The following CDH12 variants were observed in gnomAD, a reference collection of about 807,000 sequenced individuals.
CDH12 encodes the protein cadherin-12.
CDH12 carries 41 observed loss-of-function variants against 74.1 expected under a neutral mutation model. That is an observed-to-expected ratio of 0.55 (90% confidence interval 0.43 to 0.72). The LOEUF (loss-of-function observed/expected upper bound fraction) is 0.72, where lower values mean the gene tolerates loss of function less well. Ranked by LOEUF, CDH12 falls within the 30% of genes least tolerant of loss-of-function variation. CDH12 has a pLI of 0.00. For synonymous variants in CDH12, 399 were observed against 355.0 expected, an observed-to-expected ratio of 1.12 and a Z score of -1.39; for missense variants, 945 against 977.2, an observed-to-expected ratio of 0.97 and a Z score of 0.44.
intron 1 of CDH12, among the ~76,000 whole-genome samples, chr5:22,746,223 G>A (rs544456245): frequency 6.6e-6 from 1 of 152,240 alleles, no homozygotes; most frequent in Admixed American, 6.5e-5. Flanking sequence ...TGAAACACAG[G>A]CTGGCACTTT....
chr5:22,836,775 G>A (rs1736847744), intron 1 of CDH12, among the ~76,000 whole-genome samples: 1 of 152,092 alleles, frequency 6.6e-6, no homozygotes, highest in Non-Finnish European at 1.5e-5. Context: ...GGGTAACCAT[G>A]TAAATAAAGT....
At chr5:22,543,419 G>C (rs148623721) in intron 1 of CDH12, among the ~76,000 whole-genome samples, 3 of 152,118 alleles carry the variant, frequency 2.0e-5, no homozygotes, top group African/African-American at 4.8e-5. Context: ...GGTGAACTCA[G>C]ATTTACCAGA....
intron 2 of CDH12, among the ~76,000 whole-genome samples, chr5:22,424,397 A>T (rs2126504171): frequency 6.6e-6 from 1 of 152,296 alleles, no homozygotes; most frequent in Middle Eastern, 3.4e-3. Flanking sequence ...AATACACTGG[A>T]GGTGAGAGCT....
At chr5:22,798,986 G>A (rs1220981917) in intron 1 of CDH12, among the ~76,000 whole-genome samples, 1 of 152,032 alleles carries the variant, frequency 6.6e-6, no homozygotes, top group Non-Finnish European at 1.5e-5. Flanking sequence ...GTGTGGCAGT[G>A]CATACCTGTG....
chr5:22,828,859 T>A (rs1402765679), intron 1 of CDH12, among the ~76,000 whole-genome samples: 1 of 152,102 alleles, frequency 6.6e-6, no homozygotes, highest in Admixed American at 6.6e-5. Context: ...AGTTGTATGT[T>A]TATATATATA....
intron 1 of CDH12, among the ~76,000 whole-genome samples, chr5:22,612,202 T>G (rs1737439552): frequency 6.6e-6 from 1 of 152,138 alleles, no homozygotes; most frequent in East Asian, 1.9e-4. Flanking sequence ...TTGCTCAAAA[T>G]TTATTTATCA....
intron 3 of CDH12, among the ~76,000 whole-genome samples, chr5:22,314,694 GGAA>G (rs1017611130): frequency 3.9e-5 from 6 of 152,044 alleles, no homozygotes; most frequent in Non-Finnish European, 8.8e-5. Context: ...GTAAAGGCTG[GGAA>G]GAAGAACCAA....
At chr5:22,756,995 G>A (rs1281992219) in intron 1 of CDH12, among the ~76,000 whole-genome samples, 3 of 151,972 alleles carry the variant, frequency 2.0e-5, no homozygotes, top group East Asian at 1.9e-4. Context: ...TTTGTACATT[G>A]CATTCCTTAT....
chr5:21,793,997 A>G (rs1357949976), intron 10 of CDH12, among the ~76,000 whole-genome samples: 1 of 151,164 alleles, frequency 6.6e-6, no homozygotes, highest in African/African-American at 2.4e-5. Flanking sequence ...AATTAATTTA[A>G]AAATTTTTCT....
chr5:22,465,713 A>C (rs2551493), intron 2 of CDH12, among the ~76,000 whole-genome samples: 65,072 of 151,952 alleles, frequency 0.43, 14,398 homozygotes, highest in Admixed American at 0.61. Flanking sequence ...TTCTCCCATA[A>C]CTAAATCCTT....
rs192286174 is a variant in CDH12, at chr5:22,524,863, A to C, written c.-522-19499T>G. ...TTTAGGGTACATGTGCACAACATGC[A>C]GGTTTGTTACATATGTATACATGTG... is the stretch of plus-strand genomic sequence containing the variant. On this transcript the variant is annotated intron_variant, in intron 1 of 14. Transcript: ENST00000382254. Among the ~76,000 whole-genome samples the C allele has an allele frequency of 2.1e-3, 318 of 151,242 alleles. 3 individuals are homozygous for C. Among genetic ancestry groups the C allele is most frequent in the African/African-American group, 7.3e-3 (302 of 41,180 alleles).
chr5:22,055,005 C>T (rs185845558), intron 5 of CDH12, among the ~76,000 whole-genome samples: 5 of 152,168 alleles, frequency 3.3e-5, no homozygotes, highest in East Asian at 3.9e-4. Context: ...CCAATGTCAC[C>T]CACTTTAAAA....
intron 1 of CDH12, among the ~76,000 whole-genome samples, chr5:22,549,632 T>C (rs778671175): frequency 1.1e-4 from 17 of 152,174 alleles, no homozygotes; most frequent in Non-Finnish European, 2.2e-4. Flanking sequence ...CATCTACTAG[T>C]TGCTATGTAG....
At chr5:22,038,259 C>A (rs1739323161) in intron 5 of CDH12, among the ~76,000 whole-genome samples, 1 of 152,164 alleles carries the variant, frequency 6.6e-6, no homozygotes, top group Admixed American at 6.5e-5. Flanking sequence ...CCCAACACCC[C>A]CAAGCTAAGC....
chr5:22,331,138 A>T (rs1490459734), intron 3 of CDH12, among the ~76,000 whole-genome samples: 1 of 152,202 alleles, frequency 6.6e-6, no homozygotes, highest in East Asian at 1.9e-4. Flanking sequence ...GCCCCAGTAA[A>T]ATAGAATATC....
intron 1 of CDH12, among the ~76,000 whole-genome samples, chr5:22,734,358 G>A (rs1042182785): frequency 6.6e-6 from 1 of 151,728 alleles, no homozygotes; most frequent in East Asian, 1.9e-4. Flanking sequence ...TAAAAAAAAT[G>A]CAAAAAAGTT....
chr5:21,899,741 A>G (rs2150052714), intron 6 of CDH12, among the ~76,000 whole-genome samples: 1 of 151,934 alleles, frequency 6.6e-6, no homozygotes, highest in East Asian at 1.9e-4. Flanking sequence ...AGCTCTTATT[A>G]GTAATAACAA....
At chr5:22,701,496 A>T (rs776598824) in intron 1 of CDH12, among the ~76,000 whole-genome samples, 1 of 152,138 alleles carries the variant, frequency 6.6e-6, no homozygotes, top group African/African-American at 2.4e-5. Context: ...TTCTTATAAT[A>T]TCAAGGAAAA....
At chr5:21,866,372 G>C (rs1392762272) in intron 6 of CDH12, among the ~76,000 whole-genome samples, 1 of 152,208 alleles carries the variant, frequency 6.6e-6, no homozygotes, top group African/African-American at 2.4e-5. Flanking sequence ...GAACTTCCTA[G>C]AGACTTGTTG....
Sources: allele counts gnomAD v4.1 joint callset (sites outside exome capture counted in the v4.1 genomes callset), GRCh38; gene constraint gnomAD v4.1.1; transcripts MANE v1.5; gene names NCBI Gene and HGNC (gene_info 2026-07-23, HGNC 2026-07-21).